The following PCDH17 variants were observed in gnomAD, a reference collection of about 807,000 sequenced individuals.
The protein encoded by PCDH17 is protocadherin-17.
PCDH17 carries 21 observed loss-of-function variants against 67.7 expected under a neutral mutation model. The observed-to-expected ratio is 0.31, with a 90% CI of 0.22 to 0.45. The LOEUF is 0.45. PCDH17 is among the 20% of genes least tolerant of loss of function. The pLI, the probability that PCDH17 is intolerant of heterozygous loss-of-function variation, is 1.00. For synonymous variants in PCDH17, 701 were observed against 656.7 expected (o/e 1.07, Z -1.03); for missense variants, 1,471 against 1,564.8 (o/e 0.94, Z 1.01).
At chr13:57,672,777 T>C (rs1042501867) in intron 3 of PCDH17, among the ~76,000 whole-genome samples, 76 of 152,072 alleles carry the variant, frequency 5.0e-4, no homozygotes, top group African/African-American at 1.7e-3. Flanking sequence ...AATTAAGCAG[T>C]CGAGATCTTT....
chr13:57,678,713 T>C (rs950050576), intron 3 of PCDH17, among the ~76,000 whole-genome samples: 1 of 151,510 alleles, frequency 6.6e-6, no homozygotes, highest in African/African-American at 2.4e-5. Flanking sequence ...TGCACATGCG[T>C]CAAAAACACG....
chr13:57,694,904 C>T (rs1221358273), intron 3 of PCDH17, among the ~76,000 whole-genome samples: 1 of 150,888 alleles, frequency 6.6e-6, no homozygotes, highest in Non-Finnish European at 1.5e-5. Flanking sequence ...CCTGTGTGTC[C>T]AAAGAGCTGG....
At chr13:57,657,707 C>A (rs765562326) in intron 1 of PCDH17, among the ~76,000 whole-genome samples, 1 of 152,134 alleles carries the variant, frequency 6.6e-6, no homozygotes, top group Admixed American at 6.5e-5. Flanking sequence ...TAGTTTTCAA[C>A]GCAATGGTAT....
intron 3 of PCDH17, among the ~76,000 whole-genome samples, chr13:57,723,575 A>G (rs948377339): frequency 6.6e-6 from 1 of 152,024 alleles, no homozygotes; most frequent in Non-Finnish European, 1.5e-5. Context: ...CCCATTACAT[A>G]AAGGTAAATT....
chr13:57,631,028 GC>G (rs1954712482), upstream of PCDH17, among the ~76,000 whole-genome samples: 1 of 151,978 alleles, frequency 6.6e-6, no homozygotes. Context: ...TGCACCCCCT[GC>G]CCTCCCTGAG....
intron 1 of PCDH17, among the ~76,000 whole-genome samples, chr13:57,656,395 T>C (rs1955104239): frequency 6.6e-6 from 1 of 152,144 alleles, no homozygotes; most frequent in African/African-American, 2.4e-5. Context: ...TTTAAGAAAA[T>C]GTATCTACCA....
intron 3 of PCDH17, among the ~76,000 whole-genome samples, chr13:57,677,963 G>T (rs1955411133): frequency 1.3e-5 from 2 of 151,720 alleles, no homozygotes; most frequent in South Asian, 4.1e-4. Context: ...ACAGTTAGAA[G>T]AAATAAGTTC....
chr13:57,675,922 A>T (rs984727273), intron 3 of PCDH17, among the ~76,000 whole-genome samples: 1 of 151,912 alleles, frequency 6.6e-6, no homozygotes, highest in South Asian at 2.1e-4. Flanking sequence ...AGTAGTGAAG[A>T]GGTAGGAGGA....
rs546756636 is a variant in PCDH17, at chr13:57,724,552, T to C, written c.2798-60T>C. The C allele has an allele frequency of 6.5e-6, 9 of 1,392,310 alleles. No homozygotes were observed. The African/African-American group carries it at 1.3e-4, about 20-fold the overall frequency. The allele number at this position is 1,392,310 out of a possible 1,614,324, so 86.2% of individuals were successfully genotyped here. On this transcript the variant is annotated intron_variant, in intron 3 of 3. Transcript: ENST00000377918. The stretch of plus-strand genomic sequence containing the variant: ...CCCATTGAGAGCTGATCACAGCCTC[T>C]GTAGAAATTTAAAGAAAACTCTAAT...
At chr13:57,650,234 GTGTGT>G (rs1955018894) in intron 1 of PCDH17, among the ~76,000 whole-genome samples, 1 of 148,990 alleles carries the variant, frequency 6.7e-6, no homozygotes, top group Non-Finnish European at 1.5e-5. Context: ...GTGTGTGTGT[GTGTGT>G]GTGTGTGTGT....
Position 57,710,418 on chromosome 13 carries a change from G to C in PCDH17, c.2798-14194G>C, listed in dbSNP as rs1157904109. On this transcript the variant is annotated intron_variant, in intron 3 of 3. Transcript: ENST00000377918. Reference sequence around the variant, plus strand: ...TATATAAATTATAATGGCTAATGAAGCTAAATATTTAAATCCCTGGAACTC... The same window carrying C: ...TATATAAATTATAATGGCTAATGAACCTAAATATTTAAATCCCTGGAACTC... Among the ~76,000 whole-genome samples, 4 of 151,750 alleles carry C rather than the reference G, an allele frequency of 2.6e-5. No homozygotes were observed. In the South Asian group the frequency reaches 8.3e-4, roughly 31 times the overall value.
chr13:57,716,223 C>T (rs908424207), intron 3 of PCDH17, among the ~76,000 whole-genome samples: 6 of 152,100 alleles, frequency 3.9e-5, no homozygotes, highest in African/African-American at 9.6e-5. Flanking sequence ...AATCAACCAC[C>T]GAAATAATTC....
At chr13:57,647,599 A>G (rs1954980400) in intron 1 of PCDH17, among the ~76,000 whole-genome samples, 1 of 151,754 alleles carries the variant, frequency 6.6e-6, no homozygotes, top group African/African-American at 2.4e-5. Context: ...GATTGGATTG[A>G]GCAGTATTAT....
At chr13:57,671,552 T>C (rs1449439978) in intron 3 of PCDH17, among the ~76,000 whole-genome samples, 2 of 152,042 alleles carry the variant, frequency 1.3e-5, no homozygotes, top group East Asian at 3.9e-4. Flanking sequence ...TTAGAAGCCC[T>C]GTAAATTATT....
chr13:57,642,092 T>C (rs1954913578), intron 1 of PCDH17, among the ~76,000 whole-genome samples: 1 of 151,800 alleles, frequency 6.6e-6, no homozygotes. Flanking sequence ...ATACACCATA[T>C]TTAAGTTGTA....
At chr13:57,675,979 C>A (rs923343103) in intron 3 of PCDH17, among the ~76,000 whole-genome samples, 6 of 151,758 alleles carry the variant, frequency 4.0e-5, no homozygotes, top group Admixed American at 1.3e-4. Flanking sequence ...TATGCCACTA[C>A]TTTTATAATG....
At chr13:57,666,331 T>C in intron 1 of PCDH17, 137 bp from the exon 2 acceptor site, 1 of 674,984 alleles carries the variant, frequency 1.5e-6, no homozygotes, top group Admixed American at 2.7e-5. Context: ...CAATTTCCAA[T>C]TTAATTAAAA....
chr13:57,647,685 T>G (rs1954981568), intron 1 of PCDH17, among the ~76,000 whole-genome samples: 1 of 151,856 alleles, frequency 6.6e-6, no homozygotes. Context: ...TTCTTCAATT[T>G]CCTTTAATTT....
In PCDH17 at chr13:57,679,822, A is replaced by G. The variant is rs186278692; in HGVS notation, c.2797+12989A>G. Among the ~76,000 whole-genome samples the G allele has an allele frequency of 4.4e-4, 67 of 151,684 alleles. No homozygotes were observed. The East Asian group carries it at 0.013, about 29-fold the overall frequency. On this transcript the variant is annotated intron_variant, in intron 3 of 3. Coordinates refer to ENST00000377918, the MANE Select transcript of PCDH17 (RefSeq NM_001040429.3). ...CTGAGAAAATTTTAATGCATACAGAATAACTTCATGATGTATGCAAGCATT... is the reference window on the plus strand; with the variant it reads ...CTGAGAAAATTTTAATGCATACAGAGTAACTTCATGATGTATGCAAGCATT...
Sources: gnomAD v4.1 joint callset for allele counts (sites outside exome capture counted in the v4.1 genomes callset) on GRCh38, gnomAD v4.1.1 for gene constraint, MANE v1.5 for transcripts, NCBI Gene and HGNC (gene_info 2026-07-23, HGNC 2026-07-21) for gene names.